KSR2: variants seen among roughly 807,000 people sequenced by gnomAD.
KSR2 encodes kinase suppressor of ras 2.
Under a neutral mutation model 107.8 loss-of-function variants are expected in KSR2, and 25 were observed. The observed-to-expected ratio is 0.23, with a 90% confidence interval of 0.17 to 0.32. The LOEUF is 0.32. KSR2 is among the 10% of genes least tolerant of loss of function. The probability of loss-of-function intolerance (pLI) is 1.00; values close to 1 mark genes in which losing one functional copy is unlikely to be tolerated. For synonymous variants in KSR2, 480 were observed against 507.0 expected, an observed-to-expected ratio of 0.95 and a Z score of 0.71; for missense variants, 887 against 1,268.9, an observed-to-expected ratio of 0.70 and a Z score of 4.57.
At chr12:117,834,293 G>A (rs1413370823) in intron 3 of KSR2, among the ~76,000 whole-genome samples, 1 of 152,112 alleles carries the variant, frequency 6.6e-6, no homozygotes, top group Non-Finnish European at 1.5e-5. Flanking sequence ...GAAAGTGGAT[G>A]TAGTTGAGTA....
chr12:117,495,987 G>A (rs1334914394), intron 14 of KSR2, among the ~76,000 whole-genome samples: 2 of 149,718 alleles, frequency 1.3e-5, no homozygotes, highest in Non-Finnish European at 3.0e-5. Flanking sequence ...CTGGAAGGCA[G>A]AGGTTGCAGT....
At chr12:117,771,942 T>A (rs576862062) in intron 3 of KSR2, among the ~76,000 whole-genome samples, 1 of 142,230 alleles carries the variant, frequency 7.0e-6, no homozygotes, top group South Asian at 2.2e-4. Context: ...CACTCACACA[T>A]ACACACCATT....
chr12:117,755,709 C>T (rs61441341), intron 4 of KSR2, among the ~76,000 whole-genome samples: 10,424 of 152,240 alleles, frequency 0.068, 747 homozygotes, highest in East Asian at 0.24. Context: ...CACTTTAAAT[C>T]ATATGCTAAA....
Position 117,761,051 on chromosome 12 carries a change from A to G in KSR2, c.946T>C (p.Phe316Leu). 6.2e-7 allele frequency: 1 copy of G among 1,613,644 alleles called. No individual in the cohort carries two copies. The highest frequency in any genetic ancestry group is 8.5e-7 in the Non-Finnish European group (1 of 1,179,706). Residue 316 changes from phenylalanine (F) to leucine (L), a missense_variant, in exon 4 of 20, where the codon TTC becomes CTC. By Grantham distance (22) the Phe-to-Leu change is conservative. Coordinates refer to ENST00000339824, the MANE Select transcript of KSR2 (RefSeq NM_173598.6). ...TCGTCCACGCGGTGCCCCAGCTGGAACTCGTGGGATTTGCTCCGATGCAGC... is the reference window on the plus strand; with the variant it reads ...TCGTCCACGCGGTGCCCCAGCTGGAGCTCGTGGGATTTGCTCCGATGCAGC... ...TALHRSKSHE[F>L]QLGHRVDEAH...
At chr12:117,956,292 G>A (rs1233686834) in intron 1 of KSR2, among the ~76,000 whole-genome samples, 1 of 145,624 alleles carries the variant, frequency 6.9e-6, no homozygotes, top group African/African-American at 2.6e-5. Context: ...TCAAGGCCAG[G>A]TATGGTGGCT....
At chr12:117,633,492 C>G (rs75104129) in intron 5 of KSR2, among the ~76,000 whole-genome samples, 2,062 of 152,324 alleles carry the variant, frequency 0.014, 52 homozygotes, top group African/African-American at 0.047. Context: ...GATATTTATT[C>G]TCTCACGGTT....
At chr12:117,525,866 G>A (rs1348430862) in intron 13 of KSR2, among the ~76,000 whole-genome samples, 1 of 152,210 alleles carries the variant, frequency 6.6e-6, no homozygotes, top group Non-Finnish European at 1.5e-5. Context: ...GCAGCTGGGA[G>A]GGTAGGAGAC....
chr12:117,695,964 C>T (rs1359731185), intron 4 of KSR2, among the ~76,000 whole-genome samples: 1 of 152,166 alleles, frequency 6.6e-6, no homozygotes, highest in East Asian at 1.9e-4. Flanking sequence ...TGAAAGCTGA[C>T]AGCCAGCACA....
At chr12:117,704,126 G>A (rs1269431264) in intron 4 of KSR2, among the ~76,000 whole-genome samples, 1 of 151,990 alleles carries the variant, frequency 6.6e-6, no homozygotes, top group Non-Finnish European at 1.5e-5. Context: ...CATATTCGTG[G>A]ATGGAACAAA....
In KSR2 at chr12:117,787,528, G is replaced by A. The variant is rs927078989; in HGVS notation, c.473-26004C>T. Among the ~76,000 whole-genome samples, 219 of 152,222 alleles carry A rather than the reference G, an allele frequency of 1.4e-3. 3 individuals carry two copies. The highest frequency in any genetic ancestry group is 8.4e-4 in the Non-Finnish European group (57 of 68,004). On this transcript the variant is annotated intron_variant, in intron 3 of 19. Coordinates refer to ENST00000339824, the MANE Select transcript of KSR2 (RefSeq NM_173598.6). ...CATGCCTGTAATCCCAGCTACTCGGGAGGCTGAGGCAGGAGAATTGCTTGA... is the reference window on the plus strand; with the variant it reads ...CATGCCTGTAATCCCAGCTACTCGGAAGGCTGAGGCAGGAGAATTGCTTGA...
intron 9 of KSR2, among the ~76,000 whole-genome samples, chr12:117,553,941 G>A (rs2137330487): frequency 6.6e-6 from 1 of 152,110 alleles, no homozygotes; most frequent in South Asian, 2.1e-4. Context: ...AGTGGAAGCA[G>A]CCTGTGGCCT....
intron 4 of KSR2, among the ~76,000 whole-genome samples, chr12:117,731,725 G>A (rs1334796771): frequency 3.3e-5 from 5 of 152,066 alleles, no homozygotes; most frequent in Non-Finnish European, 7.4e-5. Flanking sequence ...CTGTTGATCT[G>A]TGACCTTACC....
At position 117,966,594 on chromosome 12, in the gene KSR2, TTCTC is replaced by T. The variant is rs71450240; in HGVS notation, c.180+1478_180+1481del. On this transcript the variant is annotated intron_variant, in intron 1 of 19. Transcript: ENST00000339824. ...GCATCCTAGGGTAGCAAACAGCATG[TTCTC>T]TCTCTCTCTCTCTCACACGCGCACG... Among the ~76,000 whole-genome samples the T allele has an allele frequency of 3.3e-4, 44 of 133,982 alleles. No homozygotes were observed. In the East Asian group the frequency reaches 3.9e-3, roughly 12 times the overall value. The allele number at this position is 133,982 out of a possible 152,430, so 87.9% of individuals were successfully genotyped here. A position where few individuals can be genotyped will look rare whatever the true frequency, so the allele number is the denominator to read the frequency against.
intron 4 of KSR2, among the ~76,000 whole-genome samples, chr12:117,679,827 CA>C (rs1885295337): frequency 6.6e-6 from 1 of 152,134 alleles, no homozygotes; most frequent in Admixed American, 6.5e-5. Flanking sequence ...AACTATGGGC[CA>C]ACCAATGGCC....
chr12:117,644,055 C>G (rs552008513), intron 5 of KSR2, among the ~76,000 whole-genome samples: 10 of 152,270 alleles, frequency 6.6e-5, no homozygotes, highest in African/African-American at 2.4e-4. Flanking sequence ...CCAGGAAGCA[C>G]AGTTGTGTAT....
intron 5 of KSR2, among the ~76,000 whole-genome samples, chr12:117,599,874 C>T (rs184467385): frequency 2.3e-4 from 35 of 152,262 alleles, no homozygotes; most frequent in Middle Eastern, 3.4e-3. Flanking sequence ...GGGGAGACAA[C>T]GGAAGGAGAC....
chr12:117,674,995 C>T (rs1391874975), intron 4 of KSR2, among the ~76,000 whole-genome samples: 3 of 152,158 alleles, frequency 2.0e-5, no homozygotes, highest in African/African-American at 4.8e-5. Context: ...CTGCCTGGGA[C>T]ATTATTCCCC....
chr12:117,519,123 G>A (rs556150532), intron 14 of KSR2, among the ~76,000 whole-genome samples: 76 of 152,338 alleles, frequency 5.0e-4, no homozygotes, highest in African/African-American at 1.8e-3. Flanking sequence ...TGTGGAAGGC[G>A]CGTTAGTGGA....
rs531859616 is a variant in KSR2 at position 117,837,014 on chromosome 12, C to T, written c.472+18414G>A. 8.8e-4 allele frequency among the ~76,000 whole-genome samples: 134 copies of T among 152,324 alleles called. 2 individuals are homozygous for T. Among genetic ancestry groups the T allele is most frequent in the African/African-American group, 3.1e-3 (127 of 41,578 alleles). On this transcript the variant is annotated intron_variant, in intron 3 of 19. Coordinates refer to ENST00000339824, the MANE Select transcript of KSR2 (RefSeq NM_173598.6). Reference sequence around the variant, plus strand: ...GTTCCTTCTTTACAGTTCATTTTCTCCTCTTAATTGGTCTTGCAGTGTGGC... The same window carrying T: ...GTTCCTTCTTTACAGTTCATTTTCTTCTCTTAATTGGTCTTGCAGTGTGGC...
Sources: gnomAD v4.1 joint callset for allele counts (sites outside exome capture counted in the v4.1 genomes callset) on GRCh38, gnomAD v4.1.1 for gene constraint, MANE v1.5 for transcripts, NCBI Gene and HGNC (gene_info 2026-07-23, HGNC 2026-07-21) for gene names.